The following ITGA11 variants were observed in gnomAD, a reference collection of about 807,000 sequenced individuals.
ITGA11 encodes the protein integrin subunit alpha 11.
In ITGA11, 97 loss-of-function variants were observed where a neutral mutation model predicts 141.9. The ratio of observed to expected loss-of-function variants is 0.68; its 90% CI spans 0.58 to 0.81. The LOEUF (loss-of-function observed/expected upper bound fraction) is 0.81. Among genes scored for constraint, ITGA11 ranks in the 30% least tolerant of loss-of-function variants. ITGA11 has a pLI of 0.00. For missense variants in ITGA11, 1,387 were observed against 1,559.2 expected, an observed-to-expected ratio of 0.89 and a Z score of 1.86; for synonymous variants, 658 against 624.6, an observed-to-expected ratio of 1.05 and a Z score of -0.80.
chr15:68,380,771 C>A (rs1408145794), intron 2 of ITGA11, among the ~76,000 whole-genome samples: 1 of 152,216 alleles, frequency 6.6e-6, no homozygotes, highest in Non-Finnish European at 1.5e-5. Flanking sequence ...TCTGGAGGGA[C>A]AGACAATTCC....
intron 9 of ITGA11, among the ~76,000 whole-genome samples, chr15:68,350,187 G>A (rs1055452154): frequency 5.9e-5 from 9 of 152,108 alleles, no homozygotes; most frequent in Admixed American, 5.9e-4. Context: ...TGGCATTTAT[G>A]ATTTATTTAT....
chr15:68,335,767 C>T lies in ITGA11; in HGVS notation c.1355G>A (p.Gly452Asp). 6.2e-7 allele frequency: 1 copy of T among 1,613,832 alleles called. No homozygotes were observed. Among genetic ancestry groups the T allele is most frequent in the Non-Finnish European group, 8.5e-7 (1 of 1,179,840 alleles). Residue 452 changes from glycine (G) to aspartate (D), a missense_variant, in exon 12 of 30, where the codon GGC (glycine) becomes GAC (aspartate). Transcript: ENST00000315757. This position sits in a 1 kb window ranked among gnomAD's most constrained non-coding sequence, Gnocchi z 4.9. Reference sequence around the variant, plus strand: ...GTGCATGGTGAACAGGATGACCTTGCCCGTGTGGTTGAACCGGGGGGCTCC... The same window carrying T: ...GTGCATGGTGAACAGGATGACCTTGTCCGTGTGGTTGAACCGGGGGGCTCC... ...VAGAPRFNHTGKVILFTMHNN... is the reference protein window; with the variant it reads ...VAGAPRFNHTDKVILFTMHNN...
At chr15:68,409,662 T>A (rs1896728129) in intron 1 of ITGA11, among the ~76,000 whole-genome samples, 1 of 151,974 alleles carries the variant, frequency 6.6e-6, no homozygotes, top group African/African-American at 2.4e-5. Flanking sequence ...CCCTACCACT[T>A]AGATAACAAT....
intron 1 of ITGA11, among the ~76,000 whole-genome samples, chr15:68,425,781 T>C (rs913266959): frequency 1.3e-5 from 2 of 152,148 alleles, no homozygotes; most frequent in South Asian, 2.1e-4. Context: ...GCCCTGAAAA[T>C]CCGCAGGGTC....
chr15:68,315,782 C>T (rs1893552991), intron 21 of ITGA11, 55 bp from the exon 22 acceptor site: 3 of 1,375,876 alleles, frequency 2.2e-6, no homozygotes, highest in Admixed American at 4.1e-5. Context: ...CCGCCCACTC[C>T]CCACAGCCCA....
At chr15:68,371,303 T>C (rs1475534163) in intron 2 of ITGA11, among the ~76,000 whole-genome samples, 1 of 152,170 alleles carries the variant, frequency 6.6e-6, no homozygotes, top group Non-Finnish European at 1.5e-5. Context: ...AAGGTTAACC[T>C]GACACGTGAC....
chr15:68,320,400 C>T lies in ITGA11; in HGVS notation c.2409-8G>A. The T allele has an allele frequency of 9.5e-6, 15 of 1,573,070 alleles. No homozygotes were observed. The highest frequency in any genetic ancestry group is 1.4e-5 in the African/African-American group (1 of 74,012). ...ACCCTCTGGCAGTACTCCCTGAGAA[C>T]AAGAGACCACCAGAGACTGGGCAGA... On this transcript the variant is annotated splice_region_variant and splice_polypyrimidine_tract_variant and intron_variant, in intron 19 of 29. Coordinates refer to ENST00000315757, the MANE Select transcript of ITGA11 (RefSeq NM_001004439.2).
At chr15:68,336,416 CT>C (rs1347061613) in intron 11 of ITGA11, among the ~76,000 whole-genome samples, 3 of 152,256 alleles carry the variant, frequency 2.0e-5, no homozygotes, top group Admixed American at 6.5e-5. Context: ...GCTTTGCAGA[CT>C]CAAAGGTGGA....
chr15:68,395,706 C>T (rs1595889555), intron 2 of ITGA11, among the ~76,000 whole-genome samples: 1 of 16,068 alleles, frequency 6.2e-5, no homozygotes. Context: ...CGGGGAATAT[C>T]ACACACTGGG....
intron 11 of ITGA11, among the ~76,000 whole-genome samples, chr15:68,338,705 T>C (rs1044156064): frequency 6.6e-6 from 1 of 152,210 alleles, no homozygotes; most frequent in Admixed American, 6.5e-5. Flanking sequence ...ATCAGAAAGA[T>C]GGACGCATGG....
intron 2 of ITGA11, among the ~76,000 whole-genome samples, chr15:68,398,184 C>T (rs1415471364): frequency 6.6e-6 from 1 of 151,734 alleles, no homozygotes; most frequent in Non-Finnish European, 1.5e-5. Context: ...GGACTAAATG[C>T]TCCAATTAAA....
Position 68,300,969 on chromosome 15 carries a change from G to A in ITGA11, c.*2090C>T, listed in dbSNP as rs1893012012. 1 of 152,108 alleles carries A rather than the reference G, an allele frequency of 6.6e-6. No individual in the cohort carries two copies. Among genetic ancestry groups the A allele is most frequent in the African/African-American group, 2.4e-5 (1 of 41,430 alleles). 9.4% of individuals were successfully genotyped at this position (152,108 alleles called of 1,614,324 possible). On this transcript the variant is annotated 3_prime_UTR_variant, in exon 30 of 30. Transcript: ENST00000315757. ...AAGTCAATGAAAACTTATGAGTGTG[G>A]GTTCATTAATTCTCATTTAGCCAGG... is the stretch of plus-strand genomic sequence containing the variant.
intron 2 of ITGA11, among the ~76,000 whole-genome samples, chr15:68,392,386 T>C (rs1896143788): frequency 6.6e-6 from 1 of 152,196 alleles, no homozygotes; most frequent in South Asian, 2.1e-4. Context: ...TCACCCCAGC[T>C]TTTCCTCTGA....
chr15:68,350,625 C>A lies in ITGA11; in HGVS notation c.1052G>T (p.Ser351Ile). Residue 351 changes from serine (S) to isoleucine (I), a missense_variant, in exon 9 of 30, where the codon AGC becomes ATC. Transcript: ENST00000315757. ...TAGCATGCATTGCTTACCTTCCAGG[C>A]TGAAGATTCTGTCCCCCAGGGCATC... ...IVDALGDRIF[S>I]LEGTNKNETS... The A allele has an allele frequency of 6.2e-7, 1 of 1,613,040 alleles. No homozygotes were observed. The highest frequency in any genetic ancestry group is 1.7e-5 in the Admixed American group (1 of 59,942).
At chr15:68,404,084 G>A (rs1343774781) in intron 1 of ITGA11, among the ~76,000 whole-genome samples, 1 of 151,998 alleles carries the variant, frequency 6.6e-6, no homozygotes, top group Non-Finnish European at 1.5e-5. Context: ...TCCAGCTTTT[G>A]TTGGTCTCCT....
chr15:68,419,608 A>C (rs2140434863), intron 1 of ITGA11, among the ~76,000 whole-genome samples: 1 of 152,344 alleles, frequency 6.6e-6, no homozygotes, highest in African/African-American at 2.4e-5. Flanking sequence ...CTGGGTTTAC[A>C]ATCAGGATTG....
At chr15:68,343,001 CTCTCTCT>C (rs1479561124) in intron 10 of ITGA11, among the ~76,000 whole-genome samples, 17 of 19,958 alleles carry the variant, frequency 8.5e-4, no homozygotes, top group African/African-American at 2.8e-3. Context: ...AAGTTCTTCT[CTCTCTCT>C]CTCTCTCTCT....
At chr15:68,407,848 G>C (rs561195223) in intron 1 of ITGA11, among the ~76,000 whole-genome samples, 20 of 152,350 alleles carry the variant, frequency 1.3e-4, no homozygotes, top group Non-Finnish European at 2.6e-4. Context: ...TACAGGTTAA[G>C]GTGAAGGCCA....
At chr15:68,370,614 A>G (rs926293838) in intron 2 of ITGA11, among the ~76,000 whole-genome samples, 4 of 152,214 alleles carry the variant, frequency 2.6e-5, no homozygotes, top group Non-Finnish European at 5.9e-5. Context: ...AACAGTGGCT[A>G]AGAACGGTAA....
Sources: gnomAD v4.1 joint callset for allele counts (sites outside exome capture counted in the v4.1 genomes callset) on GRCh38, gnomAD v4.1.1 for gene constraint, Gnocchi (gnomAD v3.1) non-coding constraint, MANE v1.5 for transcripts, NCBI Gene and HGNC (gene_info 2026-07-23, HGNC 2026-07-21) for gene names.